CIMAP2: variants seen among roughly 807,000 people sequenced by gnomAD.
CIMAP2 encodes the protein ciliary microtubule-associated protein 2.
chr1:54,825,041 CTTTTTTTTTTTT>C, the CIMAP2 span, among the ~76,000 whole-genome samples: 1 of 59,668 alleles, frequency 1.7e-5, no homozygotes, highest in Non-Finnish European at 2.9e-5. Context: ...TAGGGAATTA[CTTTTTTTTTTTT>C]TTTTTTTTTT....
the CIMAP2 span, among the ~76,000 whole-genome samples, chr1:54,813,609 C>T: frequency 6.6e-6 from 1 of 152,138 alleles, no homozygotes; most frequent in South Asian, 2.1e-4. Context: ...CCCGCCCCGA[C>T]CCGCTGGTTG....
At chr1:54,833,093 T>A in the CIMAP2 span, among the ~76,000 whole-genome samples, 1 of 152,138 alleles carries the variant, frequency 6.6e-6, no homozygotes, top group East Asian at 1.9e-4. Context: ...CTCTTTCATG[T>A]TAATGCCTTC....
chr1:54,809,927 C>T, the CIMAP2 span, among the ~76,000 whole-genome samples: 5 of 152,074 alleles, frequency 3.3e-5, no homozygotes, highest in East Asian at 3.9e-4. Context: ...CATTCATTTC[C>T]ACACTCCCCC....
At chr1:54,840,605 G>A in the CIMAP2 span, among the ~76,000 whole-genome samples, 1 of 152,150 alleles carries the variant, frequency 6.6e-6, no homozygotes, top group East Asian at 1.9e-4. Flanking sequence ...CACCAGCAAC[G>A]TATGAGGGGT....
chr1:54,826,247 C>A, the CIMAP2 span, among the ~76,000 whole-genome samples: 1 of 152,182 alleles, frequency 6.6e-6, no homozygotes, highest in Non-Finnish European at 1.5e-5. Context: ...TGGCTCCAGG[C>A]AGCTAGCTCT....
chr1:54,823,672 A>G, the CIMAP2 span, among the ~76,000 whole-genome samples: 1 of 152,010 alleles, frequency 6.6e-6, no homozygotes, highest in Non-Finnish European at 1.5e-5. Context: ...TACTTTTACA[A>G]TTTGGTGGGT....
the CIMAP2 span, among the ~76,000 whole-genome samples, chr1:54,820,008 TTTTCCTTCTTTC>T: frequency 2.4e-5 from 3 of 125,544 alleles, no homozygotes; most frequent in African/African-American, 9.2e-5. Context: ...TCTCCCTCTC[TTTTCCTTCTTTC>T]CTTCCTTCCT....
the CIMAP2 span, chr1:54,807,069 T>C: frequency 6.2e-7 from 1 of 1,613,422 alleles, no homozygotes; most frequent in Non-Finnish European, 8.5e-7. Context: ...CTCCACGCGT[T>C]ATTCTACCCA....
At chr1:54,833,532 CTG>C in the CIMAP2 span, among the ~76,000 whole-genome samples, 5 of 152,204 alleles carry the variant, frequency 3.3e-5, no homozygotes, top group South Asian at 6.2e-4. Flanking sequence ...TTCATGCAAA[CTG>C]TAGGGTTCTG....
chr1:54,821,178 A>C, the CIMAP2 span, among the ~76,000 whole-genome samples: 1 of 149,708 alleles, frequency 6.7e-6, no homozygotes, highest in East Asian at 2.0e-4. Flanking sequence ...CCTATTCTAC[A>C]CGTTGTCTCT....
At chr1:54,811,371 G>T in the CIMAP2 span, among the ~76,000 whole-genome samples, 45 of 152,184 alleles carry the variant, frequency 3.0e-4, 1 homozygote, top group African/African-American at 9.7e-4. Context: ...TGACATGTGA[G>T]CTGGCTTTGC....
chr1:54,818,132 T>C, the CIMAP2 span, among the ~76,000 whole-genome samples: 1 of 152,228 alleles, frequency 6.6e-6, no homozygotes, highest in African/African-American at 2.4e-5. Flanking sequence ...ATTTCCTTCC[T>C]GGAAGCTTTC....
the CIMAP2 span, among the ~76,000 whole-genome samples, chr1:54,820,012 CCTT>C: frequency 9.2e-6 from 1 of 108,444 alleles, no homozygotes; most frequent in Non-Finnish European, 1.8e-5. Flanking sequence ...CCTCTCTTTT[CCTT>C]CTTTCCTTCC....
At chr1:54,817,997 A>C in the CIMAP2 span, among the ~76,000 whole-genome samples, 1 of 152,180 alleles carries the variant, frequency 6.6e-6, no homozygotes, top group East Asian at 1.9e-4. Flanking sequence ...GTTGGAAATA[A>C]AATTCTAGGT....
At chr1:54,811,767 C>CGGGGGGGGGGGGGGGGGGGGGGG in the CIMAP2 span, 2 of 1,088,170 alleles carry the variant, frequency 1.8e-6, no homozygotes, top group African/African-American at 1.6e-5. Flanking sequence ...TTCTGACAGC[C>CGGGGGGGGGGGGGGGGGGGGGGG]TCCATGCCCC....
the CIMAP2 span, among the ~76,000 whole-genome samples, chr1:54,827,046 A>G: frequency 6.6e-6 from 1 of 152,242 alleles, no homozygotes; most frequent in African/African-American, 2.4e-5. Context: ...TGAATGGTAA[A>G]TCATATGAAA....
At chr1:54,820,102 TTC>T in the CIMAP2 span, among the ~76,000 whole-genome samples, 2 of 18,040 alleles carry the variant, frequency 1.1e-4, no homozygotes, top group African/African-American at 2.0e-4. Flanking sequence ...CTTTCTTTCT[TTC>T]TCTCTCTCTC....
chr1:54,806,114 G>A, the CIMAP2 span: 1 of 1,531,526 alleles, frequency 6.5e-7, no homozygotes, highest in Non-Finnish European at 8.8e-7. Context: ...GCGCAGGCCT[G>A]CCATGAGGGA....
At chr1:54,839,147 G>C in the CIMAP2 span, among the ~76,000 whole-genome samples, 3 of 152,008 alleles carry the variant, frequency 2.0e-5, no homozygotes, top group Admixed American at 6.5e-5. Flanking sequence ...AATTAGGACA[G>C]AGGGAAGAGC....
Sources: gnomAD v4.1 joint callset for allele counts (sites outside exome capture counted in the v4.1 genomes callset) on GRCh38, gnomAD v4.1.1 for gene constraint, MANE v1.5 for transcripts, NCBI Gene and HGNC (gene_info 2026-07-23, HGNC 2026-07-21) for gene names.